Variants in NRXN2 observed in about 807,000 individuals in gnomAD.
The protein encoded by NRXN2 is neurexin 2, also known as neurexin-2-beta.
A neutral mutation model predicts 128.8 loss-of-function variants in NRXN2; 29 were observed. The ratio of observed to expected loss-of-function variants is 0.23; its 90% CI spans 0.17 to 0.31. NRXN2 has a LOEUF of 0.31. NRXN2 is among the 10% of genes least tolerant of loss of function. The pLI is 1.00. For missense variants in NRXN2, 1,881 were observed against 2,452.6 expected (o/e 0.77, Z 4.92); for synonymous variants, 1,098 against 1,075.2 (o/e 1.02, Z -0.41).
intron 1 of NRXN2, among the ~76,000 whole-genome samples, chr11:64,722,325 T>C (rs1183459378): frequency 7.4e-6 from 1 of 134,498 alleles, no homozygotes; most frequent in Non-Finnish European, 1.6e-5. Flanking sequence ...CTTCCGCTCC[T>C]CTCCCTCAGA....
chr11:64,655,816 TGA>T (rs896920650), intron 11 of NRXN2, among the ~76,000 whole-genome samples: 4 of 152,124 alleles, frequency 2.6e-5, no homozygotes, highest in East Asian at 1.9e-4. Context: ...AGCCAGAGAC[TGA>T]GAGTGAGCAG....
Position 64,623,444 on chromosome 11 carries a change from C to T in NRXN2, c.3848-366G>A. The T allele has an allele frequency of 3.2e-6, 1 of 310,372 alleles. No homozygotes were observed. Among genetic ancestry groups the T allele is most frequent in the Non-Finnish European group, 6.1e-6 (1 of 162,836 alleles). 19.2% of individuals were successfully genotyped at this position (310,372 alleles called of 1,614,324 possible). ...TCTTCATCCTCTTCCCTCAGTCCAT[C>T]CCCATCTTCTCCCTCTGCTTCCCCA... is the stretch of plus-strand genomic sequence containing the variant. On this transcript the variant is annotated intron_variant, in intron 20 of 22. Coordinates refer to ENST00000265459, the MANE Select transcript of NRXN2 (RefSeq NM_015080.4). This position sits in a 1 kb window ranked among gnomAD's most constrained non-coding sequence, Gnocchi z 4.9.
At position 64,685,649 on chromosome 11, in the gene NRXN2, G is replaced by T. The variant is rs775128330; in HGVS notation, c.1149C>A (p.Arg383=). 1 of 1,614,186 alleles carries T rather than the reference G, an allele frequency of 6.2e-7. No individual in the cohort carries two copies. Among genetic ancestry groups the T allele is most frequent in the Admixed American group, 1.7e-5 (1 of 60,026 alleles). ...GCCTTCTTCTCACTCCTCCTACCTG[G>T]CGCAGGTTTCGGGTGACCCGGACGT... ...WHDVRVTRNL[R]QHAGIGHAMV... The change falls in exon 6 of 23, where the codon CGC becomes CGA. Residue 383 remains arginine, a synonymous_variant. Coordinates refer to ENST00000265459, the MANE Select transcript of NRXN2 (RefSeq NM_015080.4).
intron 7 of NRXN2, chr11:64,676,249 T>C (rs918707323): frequency 1.3e-5 from 2 of 152,550 alleles, no homozygotes; most frequent in Admixed American, 6.5e-5. Context: ...ATTCATGCCA[T>C]GCAAAATGTG....
At chr11:64,680,491 C>T (rs2052067796) in intron 6 of NRXN2, among the ~76,000 whole-genome samples, 1 of 152,232 alleles carries the variant, frequency 6.6e-6, no homozygotes, top group African/African-American at 2.4e-5. Context: ...ACCAGGCCCT[C>T]ACTTGGAGGC....
chr11:64,697,505 C>T (rs907439804), intron 3 of NRXN2, among the ~76,000 whole-genome samples: 1 of 152,130 alleles, frequency 6.6e-6, no homozygotes, highest in East Asian at 1.9e-4. Context: ...CCACCCCCAC[C>T]GCTCATCTCT....
intron 2 of NRXN2, among the ~76,000 whole-genome samples, chr11:64,699,162 C>A (rs1467889296): frequency 6.6e-6 from 1 of 152,178 alleles, no homozygotes; most frequent in African/African-American, 2.4e-5. Flanking sequence ...ATAATCCACG[C>A]ACATACACAG....
chr11:64,672,146 C>A (rs2050718910), intron 7 of NRXN2, among the ~76,000 whole-genome samples: 1 of 152,198 alleles, frequency 6.6e-6, no homozygotes, highest in Non-Finnish European at 1.5e-5. Flanking sequence ...CACTGCCCAG[C>A]CCCCACTGTA....
intron 4 of NRXN2, among the ~76,000 whole-genome samples, chr11:64,691,089 C>T (rs745410408): frequency 2.6e-4 from 39 of 152,212 alleles, no homozygotes; most frequent in Non-Finnish European, 5.0e-4. Flanking sequence ...AGTGAGTGCT[C>T]GGAAGCTCAC....
intron 1 of NRXN2, among the ~76,000 whole-genome samples, chr11:64,717,005 A>G (rs953590534): frequency 6.6e-6 from 1 of 152,056 alleles, no homozygotes; most frequent in Admixed American, 6.6e-5. Context: ...TTCTCCCAGA[A>G]TACAGGGGGC....
intron 17 of NRXN2, among the ~76,000 whole-genome samples, chr11:64,647,084 G>A (rs530725026): frequency 2.6e-5 from 4 of 152,074 alleles, no homozygotes; most frequent in South Asian, 4.2e-4. Flanking sequence ...TGAAGGTCCC[G>A]CAGTGTGGTA....
chr11:64,658,697 C>G (rs1201854705), intron 11 of NRXN2, among the ~76,000 whole-genome samples: 1 of 152,252 alleles, frequency 6.6e-6, no homozygotes, highest in Admixed American at 6.5e-5. Context: ...GCCCCGGAGA[C>G]CAATGTTAGG....
intron 1 of NRXN2, among the ~76,000 whole-genome samples, chr11:64,715,374 A>G (rs1423545562): frequency 6.6e-6 from 1 of 152,200 alleles, no homozygotes; most frequent in African/African-American, 2.4e-5. Context: ...TCCCCAGGAA[A>G]TAGACAAGCA....
chr11:64,616,111 T>A (rs566424843), intron 22 of NRXN2, among the ~76,000 whole-genome samples: 15 of 152,208 alleles, frequency 9.9e-5, no homozygotes, highest in African/African-American at 3.6e-4. Context: ...TGTGTGTGTA[T>A]GAGGCCCCTG....
intron 3 of NRXN2, among the ~76,000 whole-genome samples, chr11:64,694,929 C>T (rs2054293196): frequency 6.6e-6 from 1 of 152,066 alleles, no homozygotes; most frequent in Non-Finnish European, 1.5e-5. Context: ...TGGAGGAAGC[C>T]ACATCTCCCT....
At chr11:64,676,859 C>A in intron 7 of NRXN2, 134 bp downstream of exon 7, 1 of 720,548 alleles carries the variant, frequency 1.4e-6, no homozygotes, top group South Asian at 1.6e-5. Context: ...AAAGATTGTC[C>A]AGGACGCAAA....
Position 64,648,123 on chromosome 11 carries a change from G to A in NRXN2, c.3403+96C>T. The A allele has an allele frequency of 6.5e-7, 1 of 1,547,652 alleles. No homozygotes were observed. The highest frequency in any genetic ancestry group is 8.9e-7 in the Non-Finnish European group (1 of 1,124,754). Reference sequence around the variant, plus strand: ...AGAAGGAAGAAGCAGCACAGCTCCTGAATGCTCAGAGGCCCTGTTTCCTCC... The same window carrying A: ...AGAAGGAAGAAGCAGCACAGCTCCTAAATGCTCAGAGGCCCTGTTTCCTCC... On this transcript the variant is annotated intron_variant, in intron 17 of 22. Coordinates refer to ENST00000265459, the MANE Select transcript of NRXN2 (RefSeq NM_015080.4). The surrounding 1 kb of genome is among the most constrained non-coding windows in gnomAD (Gnocchi z 4.1).
chr11:64,674,203 G>A (rs1242644342), intron 7 of NRXN2, among the ~76,000 whole-genome samples: 7 of 151,644 alleles, frequency 4.6e-5, no homozygotes, highest in Non-Finnish European at 8.8e-5. Flanking sequence ...GTTTTGTTTT[G>A]TTTGGAGATG....
intron 9 of NRXN2, among the ~76,000 whole-genome samples, chr11:64,664,979 G>A (rs1461648941): frequency 3.6e-5 from 4 of 110,086 alleles, no homozygotes; most frequent in Non-Finnish European, 1.8e-5. Context: ...GACAGAGAGA[G>A]ACTTCGTCTC....
Sources: allele counts gnomAD v4.1 joint callset (sites outside exome capture counted in the v4.1 genomes callset), GRCh38; gene constraint gnomAD v4.1.1; non-coding constraint Gnocchi (gnomAD v3.1); transcripts MANE v1.5; gene names NCBI Gene and HGNC (gene_info 2026-07-23, HGNC 2026-07-21).